Variants in NUP210L observed in about 807,000 individuals in gnomAD.
The protein encoded by NUP210L is nucleoporin 210 like.
Under a neutral mutation model 208.5 loss-of-function variants are expected in NUP210L, and 74 were observed. That is an observed-to-expected ratio of 0.35 (90% CI 0.29 to 0.43). The LOEUF is 0.43. Ranked by LOEUF, NUP210L falls within the 20% of genes least tolerant of loss-of-function variation. The pLI is 1.00. For synonymous variants in NUP210L, 780 were observed against 816.9 expected (o/e 0.95, Z 0.77); for missense variants, 1,843 against 2,289.4 (o/e 0.81, Z 3.98).
intron 12 of NUP210L, among the ~76,000 whole-genome samples, chr1:154,113,728 C>T (rs1032055174): frequency 3.3e-5 from 5 of 150,604 alleles, no homozygotes; most frequent in African/African-American, 7.3e-5. Flanking sequence ...CGTGGTGGCA[C>T]GTGCCTGTAA....
At chr1:154,047,793 T>C (rs569757401) in intron 25 of NUP210L, among the ~76,000 whole-genome samples, 1 of 152,188 alleles carries the variant, frequency 6.6e-6, no homozygotes, top group Non-Finnish European at 1.5e-5. Flanking sequence ...TCTGTGTGTG[T>C]GTCTTTAATT....
chr1:153,994,032 C>A (rs989608440), intron 38 of NUP210L, among the ~76,000 whole-genome samples: 2 of 151,998 alleles, frequency 1.3e-5, no homozygotes, highest in African/African-American at 2.4e-5. Flanking sequence ...TGTGCCACCA[C>A]CACACCCAGC....
chr1:154,065,995 G>A (rs1255528658), intron 17 of NUP210L, among the ~76,000 whole-genome samples: 1 of 151,572 alleles, frequency 6.6e-6, no homozygotes, highest in African/African-American at 2.4e-5. Context: ...ACTACATGAT[G>A]GAAACTGAAC....
At chr1:154,053,274 GTGATTTCGATGA>G (rs1215526436) in intron 25 of NUP210L, among the ~76,000 whole-genome samples, 4 of 152,248 alleles carry the variant, frequency 2.6e-5, no homozygotes, top group Admixed American at 1.3e-4. Context: ...TGGAGGCTCT[GTGATTTCGATGA>G]TGATTGTGCT....
chr1:154,145,281 G>T (rs1418328191), intron 2 of NUP210L, among the ~76,000 whole-genome samples: 1 of 151,840 alleles, frequency 6.6e-6, no homozygotes, highest in Admixed American at 6.6e-5. Context: ...AGCCGGGCGT[G>T]GTGGTGCACG....
intron 10 of NUP210L, among the ~76,000 whole-genome samples, chr1:154,120,882 C>T (rs1386801232): frequency 1.0e-4 from 11 of 105,172 alleles, no homozygotes; most frequent in Admixed American, 7.9e-4. Context: ...GGAGACAGGG[C>T]GAGACTCTGT....
At chr1:154,108,234 T>G (rs1276851538) in intron 12 of NUP210L, among the ~76,000 whole-genome samples, 1 of 152,060 alleles carries the variant, frequency 6.6e-6, no homozygotes. Context: ...CTCAGCTCAC[T>G]GCAACCTCGA....
In NUP210L at chr1:154,105,897, A is replaced by T. The variant is rs139217169; in HGVS notation, c.1621-1687T>A. Among the ~76,000 whole-genome samples the T allele has an allele frequency of 7.3e-4, 111 of 152,228 alleles. 1 individual carries two copies. The highest frequency in any genetic ancestry group is 2.6e-3 in the African/African-American group (108 of 41,542). On this transcript the variant is annotated intron_variant, in intron 12 of 39. Transcript: ENST00000368559. ...TGAACATTGGTAGTAGCTAGTCAGT[A>T]TTTGCCACGGGTCTGGGGCAGTTGT...
intron 27 of NUP210L, among the ~76,000 whole-genome samples, chr1:154,032,248 A>G (rs1652268779): frequency 2.0e-5 from 3 of 152,114 alleles, no homozygotes; most frequent in Non-Finnish European, 4.4e-5. Flanking sequence ...ATCATATGGT[A>G]GTTTTATATT....
chr1:154,007,377 C>G (rs867319748), intron 35 of NUP210L, among the ~76,000 whole-genome samples: 21 of 151,908 alleles, frequency 1.4e-4, no homozygotes, highest in African/African-American at 4.6e-4. Flanking sequence ...ATTCTCCTGC[C>G]TCAGCCTCCC....
chr1:154,100,702 T>C (rs1656424953), intron 13 of NUP210L, among the ~76,000 whole-genome samples: 1 of 150,886 alleles, frequency 6.6e-6, no homozygotes, highest in African/African-American at 2.4e-5. Flanking sequence ...ATATTTTTAG[T>C]AGAGACAGGG....
intron 12 of NUP210L, among the ~76,000 whole-genome samples, chr1:154,114,784 G>T (rs1398226534): frequency 6.6e-6 from 1 of 150,608 alleles, no homozygotes; most frequent in Non-Finnish European, 1.5e-5. Context: ...GAGATGGGGG[G>T]GGGGGTCTTG....
chr1:154,042,115 T>C (rs1040112960), intron 27 of NUP210L, among the ~76,000 whole-genome samples: 2 of 152,170 alleles, frequency 1.3e-5, no homozygotes, highest in East Asian at 3.9e-4. Flanking sequence ...TTTTTTTTTT[T>C]CTGAGACAGG....
At chr1:154,029,843 A>G in intron 28 of NUP210L, 53 bp downstream of exon 28, 1 of 1,411,038 alleles carries the variant, frequency 7.1e-7, no homozygotes, top group African/African-American at 1.4e-5. Context: ...GTAAGAGAAT[A>G]TAACTTTCTT....
At chr1:154,019,526 G>T (rs1651441817) in intron 32 of NUP210L, among the ~76,000 whole-genome samples, 1 of 152,116 alleles carries the variant, frequency 6.6e-6, no homozygotes, top group African/African-American at 2.4e-5. Context: ...TAGCCTGCAG[G>T]ATTACTGATC....
rs77184519 is a variant in NUP210L at position 154,138,216 on chromosome 1, C to T, written c.740G>A (p.Arg247His). The change falls in exon 6 of 40, where the codon CGT becomes CAT. Residue 247 changes from arginine (R) to histidine (H), a missense_variant. Physicochemically the swap from Arg to His is conservative, Grantham distance 29. Around this residue, in one of 5 missense-constraint regions of NUP210L, gnomAD observed 542 missense variants for 606.4 expected, o/e 0.89. Transcript: ENST00000368559. ...AAATATATTCTCCAAAACAAGCAGA[C>T]GTATTAAGGCTGCTGCCACTTTCTA... 6.6e-5 allele frequency: 101 copies of T among 1,532,338 alleles called. No homozygotes were observed. The highest frequency in any genetic ancestry group is 5.8e-4 in the African/African-American group (40 of 68,690). 94.9% of individuals were successfully genotyped at this position (1,532,338 alleles called of 1,614,324 possible).
chr1:154,027,493 C>G lies in NUP210L; in HGVS notation c.3947+13G>C, dbSNP rs375229943. ...TTAGATCCTGGCACTTCCTTATTCT[C>G]CCTTTTCCTTACCTGTTGGTATGGA... On this transcript the variant is annotated intron_variant, in intron 29 of 39. Coordinates refer to ENST00000368559, the Ensembl canonical transcript of NUP210L. The G allele has an allele frequency of 6.4e-7, 1 of 1,569,064 alleles. No homozygotes were observed. Among genetic ancestry groups the G allele is most frequent in the Non-Finnish European group, 8.8e-7 (1 of 1,140,690 alleles).
intron 12 of NUP210L, among the ~76,000 whole-genome samples, chr1:154,111,701 A>T (rs1657044829): frequency 1.3e-5 from 2 of 151,754 alleles, no homozygotes; most frequent in South Asian, 4.1e-4. Context: ...AAATTTTACT[A>T]AACATTTAAA....
chr1:154,154,896 C>T (rs770200282), exon 1 of NUP210L: 1 of 1,614,222 alleles, frequency 6.2e-7, no homozygotes, highest in South Asian at 1.1e-5. Flanking sequence ...GCCTGGCTCT[C>T]GGCCGAAGGG....
Sources: allele counts gnomAD v4.1 joint callset (sites outside exome capture counted in the v4.1 genomes callset), GRCh38; gene constraint gnomAD v4.1.1; regional missense constraint gnomAD v4.1.1; transcripts MANE v1.5; gene names NCBI Gene and HGNC (gene_info 2026-07-23, HGNC 2026-07-21).